Variants in MTMR10 observed in about 807,000 individuals in gnomAD.
The protein encoded by MTMR10 is myotubularin-related protein 10.
In MTMR10, 56 loss-of-function variants were observed where a neutral mutation model predicts 88.1. The ratio of observed to expected loss-of-function variants is 0.64; its 90% CI spans 0.51 to 0.79. The LOEUF (loss-of-function observed/expected upper bound fraction) is 0.79, where lower values mean the gene tolerates loss of function less well. Ranked by LOEUF, MTMR10 falls within the 30% of genes least tolerant of loss-of-function variation. The pLI, the probability that MTMR10 is intolerant of heterozygous loss-of-function variation, is 0.00. For missense variants in MTMR10, 883 were observed against 924.7 expected (o/e 0.95, Z 0.58); for synonymous variants, 380 against 340.9 (o/e 1.11, Z -1.26).
intron 7 of MTMR10, among the ~76,000 whole-genome samples, chr15:30,960,298 T>C (rs1281841286): frequency 6.6e-6 from 1 of 152,156 alleles, no homozygotes; most frequent in Non-Finnish European, 1.5e-5. Context: ...CAGCCTGAGA[T>C]GGGATGTGAC....
Position 30,939,274 on chromosome 15 carries a change from T to C in MTMR10, c.*2196A>G. 1.0e-6 allele frequency: 1 copy of C among 985,476 alleles called. No homozygotes were observed. The highest frequency in any genetic ancestry group is 1.2e-6 in the Non-Finnish European group (1 of 829,944). 61.0% of individuals were successfully genotyped at this position (985,476 alleles called of 1,614,324 possible). A position where few individuals can be genotyped will look rare whatever the true frequency, so the allele number is the denominator to read the frequency against. On this transcript the variant is annotated 3_prime_UTR_variant, in exon 16 of 16. Coordinates refer to ENST00000435680, the MANE Select transcript of MTMR10 (RefSeq NM_017762.3). ...AGACACTGTACACCTTTACGTTCAA[T>C]ACTAGAAATTTCACCCAGTGCATCA...
At chr15:30,932,716 CTTTTTTTT>C in the MTMR10 span, among the ~76,000 whole-genome samples, 1 of 134,378 alleles carries the variant, frequency 7.4e-6, no homozygotes, top group African/African-American at 2.8e-5. Flanking sequence ...TGTTTCTTTT[CTTTTTTTT>C]TTTTTTTGAG....
chr15:30,976,450 T>C (rs961244804), intron 3 of MTMR10, among the ~76,000 whole-genome samples: 1 of 152,078 alleles, frequency 6.6e-6, no homozygotes, highest in Non-Finnish European at 1.5e-5. Context: ...AAAAAACCTA[T>C]GAAATCACTA....
the MTMR10 span, chr15:30,920,688 G>T: frequency 8.0e-7 from 1 of 1,242,502 alleles, no homozygotes; most frequent in South Asian, 1.3e-5. Flanking sequence ...CACCATTACT[G>T]ATGTGATGGC....
intron 2 of MTMR10, among the ~76,000 whole-genome samples, chr15:30,985,644 ATTAG>A (rs1426603994): frequency 1.3e-5 from 2 of 152,252 alleles, no homozygotes; most frequent in Non-Finnish European, 1.5e-5. Context: ...TGCAAGCTAT[ATTAG>A]TTAAGGATCC....
intron 11 of MTMR10, among the ~76,000 whole-genome samples, chr15:30,953,161 A>T (rs1457175554): frequency 6.6e-6 from 1 of 152,168 alleles, no homozygotes; most frequent in African/African-American, 2.4e-5. Flanking sequence ...TTATGACAAA[A>T]CTATAGAGAT....
At chr15:30,981,420 C>G (rs2030561769) in intron 2 of MTMR10, among the ~76,000 whole-genome samples, 1 of 151,806 alleles carries the variant, frequency 6.6e-6, no homozygotes, top group South Asian at 2.1e-4. Flanking sequence ...CTTGTGCCTG[C>G]TCACATGACA....
At chr15:30,971,726 T>A (rs1038373478) in intron 5 of MTMR10, among the ~76,000 whole-genome samples, 1 of 152,178 alleles carries the variant, frequency 6.6e-6, no homozygotes, top group Admixed American at 6.5e-5. Flanking sequence ...TTTATTATTT[T>A]GCCCTTCAGT....
downstream of MTMR10, among the ~76,000 whole-genome samples, chr15:30,938,251 C>T (rs564291480): frequency 3.2e-4 from 48 of 152,104 alleles, no homozygotes; most frequent in Non-Finnish European, 6.3e-4. Context: ...TATGGGAAAC[C>T]GAGATTCTTG....
intron 2 of MTMR10, among the ~76,000 whole-genome samples, chr15:30,978,908 T>C (rs2030354414): frequency 6.6e-6 from 1 of 151,880 alleles, no homozygotes; most frequent in Non-Finnish European, 1.5e-5. Flanking sequence ...AATATATATA[T>C]ATATAGACGC....
chr15:30,933,246 C>G, the MTMR10 span, among the ~76,000 whole-genome samples: 3 of 152,216 alleles, frequency 2.0e-5, no homozygotes, highest in African/African-American at 7.2e-5. Flanking sequence ...AACTTCTTTT[C>G]TAATAGAGTT....
At chr15:30,929,966 A>G in the MTMR10 span, among the ~76,000 whole-genome samples, 1 of 125,998 alleles carries the variant, frequency 7.9e-6, no homozygotes, top group Admixed American at 9.4e-5. Flanking sequence ...ATCATATAAT[A>G]TATAAAATAT....
intron 6 of MTMR10, among the ~76,000 whole-genome samples, chr15:30,966,379 T>C (rs2063472366): frequency 6.6e-6 from 1 of 152,232 alleles, no homozygotes; most frequent in Non-Finnish European, 1.5e-5. Context: ...ACCAACTGTA[T>C]AATGAAGTTT....
Position 30,980,665 on chromosome 15 carries a change from C to G in MTMR10, c.122-3710G>C, listed in dbSNP as rs76040999. Among the ~76,000 whole-genome samples, 1,417 of 152,102 alleles carry G rather than the reference C, an allele frequency of 9.3e-3. 6 individuals are homozygous for G. The highest frequency in any genetic ancestry group is 0.015 in the South Asian group (74 of 4,822). The stretch of plus-strand genomic sequence containing the variant: ...GGGCTCTTTAGAGAAATGGCTGATT[C>G]CAAGGCTGGGGCAGGGGAAACAGAA... On this transcript the variant is annotated intron_variant, in intron 2 of 15. Transcript: ENST00000435680.
At chr15:30,982,321 G>A (rs145720311) in intron 2 of MTMR10, among the ~76,000 whole-genome samples, 22 of 152,272 alleles carry the variant, frequency 1.4e-4, no homozygotes, top group Middle Eastern at 3.4e-3. Flanking sequence ...TTTCTCAGTT[G>A]AGCTAAATTC....
At chr15:30,929,495 T>G in the MTMR10 span, 1 of 724,438 alleles carries the variant, frequency 1.4e-6, no homozygotes, top group African/African-American at 1.9e-5. Flanking sequence ...TGTGTGTATA[T>G]GTAAATACAT....
chr15:30,927,366 C>G, the MTMR10 span: 3 of 985,404 alleles, frequency 3.0e-6, no homozygotes, highest in African/African-American at 3.5e-5. Context: ...GAAAAGTCCT[C>G]CTGGAAGACT....
At chr15:30,968,578 A>ACACACACACACACAC (rs1555410069) in intron 5 of MTMR10, among the ~76,000 whole-genome samples, 2 of 91,658 alleles carry the variant, frequency 2.2e-5, no homozygotes, top group African/African-American at 9.5e-5. Context: ...CACACACACA[A>ACACACACACACACAC]ACTGTGTTTA....
chr15:30,939,840 T>C lies in MTMR10; in HGVS notation c.*1630A>G. 1.0e-6 allele frequency: 1 copy of C among 985,272 alleles called. No individual in the cohort carries two copies. The highest frequency in any genetic ancestry group is 1.2e-6 in the Non-Finnish European group (1 of 829,738). The allele number at this position is 985,272 out of a possible 1,614,324, so 61.0% of individuals were successfully genotyped here. ...TAATCAAGGACTGTAAAATGTTTAA[T>C]AATTCTATTTGTATAAACTGAAACT... On this transcript the variant is annotated 3_prime_UTR_variant, in exon 16 of 16. Coordinates refer to ENST00000435680, the MANE Select transcript of MTMR10 (RefSeq NM_017762.3).
Sources: allele counts gnomAD v4.1 joint callset (sites outside exome capture counted in the v4.1 genomes callset), GRCh38; gene constraint gnomAD v4.1.1; transcripts MANE v1.5; gene names NCBI Gene and HGNC (gene_info 2026-07-23, HGNC 2026-07-21).